PPP2R3C: variants seen among roughly 807,000 people sequenced by gnomAD.
The protein encoded by PPP2R3C is protein phosphatase 2 regulatory subunit B''gamma, also known as serine/threonine-protein phosphatase 2A regulatory subunit B'' subunit gamma.
Under a neutral mutation model 63.7 loss-of-function variants are expected in PPP2R3C, and 47 were observed. The observed-to-expected ratio is 0.74, with a 90% confidence interval of 0.58 to 0.94. The LOEUF (loss-of-function observed/expected upper bound fraction) is 0.94, where lower values mean the gene tolerates loss of function less well. Ranked by LOEUF, PPP2R3C falls within the 40% of genes least tolerant of loss-of-function variation. The pLI is 0.00. For missense variants in PPP2R3C, 421 were observed against 518.4 expected, an observed-to-expected ratio of 0.81 and a Z score of 1.82; for synonymous variants, 180 against 177.4, an observed-to-expected ratio of 1.01 and a Z score of -0.12.
intron 11 of PPP2R3C, among the ~76,000 whole-genome samples, chr14:35,090,216 TTA>T (rs1434905879): frequency 6.6e-6 from 1 of 151,818 alleles, no homozygotes; most frequent in East Asian, 1.9e-4. Flanking sequence ...ACAGAAATTT[TTA>T]TAGACTTTGG....
chr14:35,095,909 G>A (rs1260280476), intron 9 of PPP2R3C, among the ~76,000 whole-genome samples: 4 of 142,954 alleles, frequency 2.8e-5, no homozygotes, highest in African/African-American at 1.0e-4. Context: ...ACAAGATAAT[G>A]TAGATTAGCT....
intron 3 of PPP2R3C, 52 bp downstream of exon 3, chr14:35,110,473 G>T: frequency 8.2e-7 from 1 of 1,226,442 alleles, no homozygotes; most frequent in Non-Finnish European, 1.2e-6. Flanking sequence ...GATTTAAGTA[G>T]CACAAATGAG....
intron 3 of PPP2R3C, 26 bp from the exon 4 acceptor site, chr14:35,109,957 T>C: frequency 5.3e-6 from 8 of 1,496,172 alleles, no homozygotes; most frequent in South Asian, 2.4e-5. Flanking sequence ...GAAGTGAAGA[T>C]GTTGTAAGTT....
intron 12 of PPP2R3C, chr14:35,086,970 G>A (rs1040128817): frequency 5.4e-5 from 8 of 147,148 alleles, no homozygotes; most frequent in African/African-American, 2.0e-4. Flanking sequence ...GCTAACAAGG[G>A]TTTGGTTTAA....
At chr14:35,091,332 A>G (rs984344059) in intron 10 of PPP2R3C, 125 bp from the exon 11 acceptor site, 6 of 926,226 alleles carry the variant, frequency 6.5e-6, no homozygotes, top group Non-Finnish European at 9.3e-6. Context: ...CTAAGTTATG[A>G]TATGAGAAAT....
At chr14:35,107,521 C>T (rs2046402188) in intron 5 of PPP2R3C, 147 bp from the exon 6 acceptor site, 1 of 637,378 alleles carries the variant, frequency 1.6e-6, no homozygotes, top group Non-Finnish European at 2.8e-6. Context: ...AACAAAAAAC[C>T]ATAGAATGGA....
chr14:35,122,240 C>CCA (rs1289071387), upstream of PPP2R3C: 1 of 448,412 alleles, frequency 2.2e-6, no homozygotes, highest in East Asian at 3.8e-5. Context: ...ATTTTAAAGG[C>CCA]CACGATAAGC....
chr14:35,118,845 C>A (rs1010045583), intron 1 of PPP2R3C, among the ~76,000 whole-genome samples: 1 of 151,642 alleles, frequency 6.6e-6, no homozygotes, highest in Non-Finnish European at 1.5e-5. Flanking sequence ...GTAGAGAGAG[C>A]GTTTCACCAC....
At chr14:35,103,227 C>T (rs1463300296) in intron 6 of PPP2R3C, among the ~76,000 whole-genome samples, 1 of 152,208 alleles carries the variant, frequency 6.6e-6, no homozygotes, top group Non-Finnish European at 1.5e-5. Context: ...TGGCCCCTGC[C>T]TACTTCTCCA....
intron 10 of PPP2R3C, among the ~76,000 whole-genome samples, chr14:35,093,425 T>C (rs2045894719): frequency 1.3e-5 from 2 of 152,114 alleles, no homozygotes; most frequent in African/African-American, 4.8e-5. Context: ...TCTCTATTCA[T>C]CAGGAATCAT....
At chr14:35,091,854 G>C (rs2045830188) in intron 10 of PPP2R3C, among the ~76,000 whole-genome samples, 1 of 151,912 alleles carries the variant, frequency 6.6e-6, no homozygotes, top group African/African-American at 2.4e-5. Flanking sequence ...CCAAGTAGCT[G>C]GGAATACAGG....
intron 10 of PPP2R3C, among the ~76,000 whole-genome samples, chr14:35,093,930 C>G (rs2045916968): frequency 6.6e-6 from 1 of 152,120 alleles, no homozygotes; most frequent in African/African-American, 2.4e-5. Context: ...AGATTCTTAA[C>G]CCATGTTTTT....
chr14:35,109,505 G>A (rs763357053), intron 4 of PPP2R3C, among the ~76,000 whole-genome samples: 1 of 151,252 alleles, frequency 6.6e-6, no homozygotes, highest in African/African-American at 2.4e-5. Flanking sequence ...TAAAGGTAAG[G>A]TCTTGCTCTA....
chr14:35,117,671 T>C (rs2046746869), intron 1 of PPP2R3C, among the ~76,000 whole-genome samples: 1 of 152,174 alleles, frequency 6.6e-6, no homozygotes, highest in Non-Finnish European at 1.5e-5. Context: ...ATTCCTTTTA[T>C]GACTGCATTT....
Position 35,116,591 on chromosome 14 carries a change from TTG to T in PPP2R3C, c.186+17_186+18del, listed in dbSNP as rs2046716488. On this transcript the variant is annotated intron_variant, in intron 2 of 12. Coordinates refer to ENST00000261475, the MANE Select transcript of PPP2R3C (RefSeq NM_017917.4). ...TTCATTTTTAAACTCTGCAGGACAT[TTG>T]ATTAGACACTACTTACCCTATAATA... 6.5e-7 allele frequency: 1 copy of T among 1,547,716 alleles called. No individual in the cohort carries two copies. Among genetic ancestry groups the T allele is most frequent in the Non-Finnish European group, 8.7e-7 (1 of 1,149,000 alleles).
intron 10 of PPP2R3C, among the ~76,000 whole-genome samples, chr14:35,093,241 C>CA (rs1308935015): frequency 1.3e-5 from 2 of 151,130 alleles, no homozygotes; most frequent in Admixed American, 6.6e-5. Context: ...CAAAACAAAA[C>CA]AAAAAAACAG....
rs1032142523 is a variant in PPP2R3C at position 35,117,954 on chromosome 14, A to G, written c.59-1217T>C. On this transcript the variant is annotated intron_variant, in intron 1 of 12. Coordinates refer to ENST00000261475, the MANE Select transcript of PPP2R3C (RefSeq NM_017917.4). ...GGTGATCTGCCCACCTCGGCCTCCC[A>G]AAGTGCTGGGATTACAGGCATGAGC... is the stretch of plus-strand genomic sequence containing the variant. Among the ~76,000 whole-genome samples the G allele has an allele frequency of 1.2e-4, 18 of 152,222 alleles. 1 individual carries two copies. Among genetic ancestry groups the G allele is most frequent in the Middle Eastern group, 3.4e-3 (1 of 294 alleles).
At chr14:35,093,873 C>G (rs8005406) in intron 10 of PPP2R3C, among the ~76,000 whole-genome samples, 1 of 151,872 alleles carries the variant, frequency 6.6e-6, no homozygotes, top group South Asian at 2.1e-4. Flanking sequence ...GGATGGTCTC[C>G]ATCTCCTGAC....
chr14:35,102,196 G>T (rs1294991915), intron 6 of PPP2R3C: 3 of 152,020 alleles, frequency 2.0e-5, no homozygotes, highest in Non-Finnish European at 4.4e-5. Flanking sequence ...GCTAATTTTT[G>T]TATTTTTAGT....
Sources: gnomAD v4.1 joint callset for allele counts (sites outside exome capture counted in the v4.1 genomes callset) on GRCh38, gnomAD v4.1.1 for gene constraint, MANE v1.5 for transcripts, NCBI Gene and HGNC (gene_info 2026-07-23, HGNC 2026-07-21) for gene names.